Variants in PNPT1 observed in about 807,000 individuals in gnomAD.
PNPT1 encodes polyribonucleotide nucleotidyltransferase 1.
A neutral mutation model predicts 119.5 loss-of-function variants in PNPT1; 53 were observed. The ratio of observed to expected loss-of-function variants is 0.44; its 90% CI spans 0.36 to 0.56. PNPT1 has a LOEUF of 0.56. PNPT1 is among the 20% of genes least tolerant of loss of function. PNPT1 has a pLI of 0.00. For missense variants in PNPT1, 948 were observed against 938.5 expected, an observed-to-expected ratio of 1.01 and a Z score of -0.13; for synonymous variants, 357 against 322.1, an observed-to-expected ratio of 1.11 and a Z score of -1.16.
At chr2:55,684,838 G>T in intron 4 of PNPT1, 105 bp downstream of exon 4, 1 of 1,304,274 alleles carries the variant, frequency 7.7e-7, no homozygotes, top group Non-Finnish European at 9.9e-7. Flanking sequence ...TGGTGTTAAT[G>T]CTATGAAGGA....
At chr2:55,673,114 C>A in intron 8 of PNPT1, 35 bp from the exon 9 acceptor site, 1 of 1,456,216 alleles carries the variant, frequency 6.9e-7, no homozygotes, top group South Asian at 1.4e-5. Context: ...AAATGACTGC[C>A]ATCGAAGCTC....
chr2:55,678,601 T>A (rs1281397901), intron 8 of PNPT1, among the ~76,000 whole-genome samples: 2 of 152,140 alleles, frequency 1.3e-5, no homozygotes, highest in African/African-American at 4.8e-5. Context: ...TTCATAAGCA[T>A]GAAGACGAGG....
intron 26 of PNPT1, among the ~76,000 whole-genome samples, chr2:55,640,257 G>A (rs1291486249): frequency 1.3e-5 from 2 of 151,974 alleles, no homozygotes; most frequent in African/African-American, 2.4e-5. Flanking sequence ...GGGTTCAAGC[G>A]ATTCTCCTTC....
chr2:55,651,588 A>C (rs933571929), intron 18 of PNPT1, among the ~76,000 whole-genome samples: 1 of 151,856 alleles, frequency 6.6e-6, no homozygotes, highest in African/African-American at 2.4e-5. Context: ...ATGCTCCTTA[A>C]GAGTCATCAC....
chr2:55,660,171 T>A lies in PNPT1; in HGVS notation c.1270A>T (p.Met424Leu). The A allele has an allele frequency of 6.3e-7, 1 of 1,591,358 alleles. No individual in the cohort carries two copies. Among genetic ancestry groups the A allele is most frequent in the Non-Finnish European group, 8.6e-7 (1 of 1,169,418 alleles). Residue 424 changes from methionine (M) to leucine (L), a missense_variant, in exon 15 of 28, where the codon ATG (methionine) becomes TTG (leucine). Physicochemically the swap from Met to Leu is conservative, Grantham distance 15. Coordinates refer to ENST00000447944, the MANE Select transcript of PNPT1 (RefSeq NM_033109.5). ...ATTCACCTTACCTCGTAGTGCAGCA[T>A]GAAATTTTTATCTTTTATCCCACTA... is the stretch of plus-strand genomic sequence containing the variant. The part of the protein sequence containing the change: ...AINGIKDKNF[M>L]LHYEFPPYAT...
At chr2:55,636,953 C>A (rs1304863842) in intron 27 of PNPT1, among the ~76,000 whole-genome samples, 1 of 152,142 alleles carries the variant, frequency 6.6e-6, no homozygotes, top group Admixed American at 6.5e-5. Flanking sequence ...CTCATCTTCC[C>A]CTGGAGGCTA....
At chr2:55,646,631 C>A in intron 19 of PNPT1, 145 bp from the exon 20 acceptor site, 2 of 611,414 alleles carry the variant, frequency 3.3e-6, no homozygotes, top group Non-Finnish European at 5.7e-6. Flanking sequence ...CATTAACTAC[C>A]ACTTCCAATT....
chr2:55,679,461 T>C (rs1697179797), intron 8 of PNPT1, among the ~76,000 whole-genome samples: 1 of 152,178 alleles, frequency 6.6e-6, no homozygotes, highest in Admixed American at 6.6e-5. Context: ...TGAAATGATC[T>C]TGGTAAATAT....
chr2:55,663,594 C>A (rs546441429), intron 13 of PNPT1, among the ~76,000 whole-genome samples: 1 of 152,136 alleles, frequency 6.6e-6, no homozygotes, highest in South Asian at 2.1e-4. Context: ...AGATGAGGTG[C>A]AAATCTTGAA....
At chr2:55,670,348 G>A (rs1374427500) in intron 11 of PNPT1, among the ~76,000 whole-genome samples, 9 of 151,934 alleles carry the variant, frequency 5.9e-5, no homozygotes, top group East Asian at 1.9e-4. Flanking sequence ...CACCACGCCC[G>A]GCTAACTTTT....
intron 4 of PNPT1, among the ~76,000 whole-genome samples, chr2:55,684,314 A>T (rs1697332257): frequency 6.6e-6 from 1 of 152,068 alleles, no homozygotes; most frequent in Non-Finnish European, 1.5e-5. Context: ...AAATGGAGAA[A>T]CCCCATCTTG....
rs779205846 is a variant in PNPT1 at position 55,645,377 on chromosome 2, T to C, written c.1794A>G (p.Ala598=). ...IMNKTISKPR[A]SRKENGPVVE... ...CAACAGGTCCATTTTCTTTTCTAGA[T>C]GCTCGAGGTTTTGAAATAGTTTTGT... Residue 598 remains alanine (A), a synonymous_variant, in exon 22 of 28, where the codon GCA becomes GCG. Coordinates refer to ENST00000447944, the MANE Select transcript of PNPT1 (RefSeq NM_033109.5). 5 of 1,612,468 alleles carry C rather than the reference T, an allele frequency of 3.1e-6. No homozygotes were observed. The highest frequency in any genetic ancestry group is 1.7e-5 in the Admixed American group (1 of 59,970).
chr2:55,688,174 T>C (rs1227511936), intron 1 of PNPT1, among the ~76,000 whole-genome samples: 2 of 151,960 alleles, frequency 1.3e-5, no homozygotes, highest in Non-Finnish European at 2.9e-5. Context: ...TCCTGAGTAG[T>C]TGGGACTACA....
chr2:55,660,296 G>T, intron 14 of PNPT1, 103 bp from the exon 15 acceptor site: 1 of 1,212,722 alleles, frequency 8.2e-7, no homozygotes, highest in Non-Finnish European at 1.1e-6. Context: ...AAAGAACTAG[G>T]TGTTAATGAA....
At position 55,683,927 on chromosome 2, in the gene PNPT1, G is replaced by C. The variant is rs943346002; in HGVS notation, c.404-93C>G. The C allele has an allele frequency of 1.1e-4, 139 of 1,254,024 alleles. 2 individuals are homozygous for C. Among genetic ancestry groups the C allele is most frequent in the Non-Finnish European group, 1.4e-4 (125 of 876,290 alleles). 77.7% of individuals were successfully genotyped at this position (1,254,024 alleles called of 1,614,324 possible). Reference sequence around the variant, plus strand: ...ACTAATATAGATAGCCATTCAATATGTTTTCAAGAAAAATCCCCTTGGACT... The same window carrying C: ...ACTAATATAGATAGCCATTCAATATCTTTTCAAGAAAAATCCCCTTGGACT... On this transcript the variant is annotated intron_variant, in intron 4 of 27. Transcript: ENST00000447944.
chr2:55,676,652 AG>A (rs1019064045), intron 8 of PNPT1, among the ~76,000 whole-genome samples: 1 of 152,164 alleles, frequency 6.6e-6, no homozygotes, highest in Non-Finnish European at 1.5e-5. Context: ...ACCTGAGGTC[AG>A]GAGTTTGAGA....
intron 25 of PNPT1, 78 bp downstream of exon 25, chr2:55,643,080 T>A (rs1695882996): frequency 2.1e-6 from 3 of 1,459,022 alleles, no homozygotes; most frequent in Non-Finnish European, 2.9e-6. Context: ...CACCACTGTA[T>A]CCCACTGTGG....
At chr2:55,671,170 T>A (rs1696901389) in intron 11 of PNPT1, 149 bp downstream of exon 11, 1 of 451,196 alleles carries the variant, frequency 2.2e-6, no homozygotes, top group Non-Finnish European at 4.0e-6. Context: ...GAACAGCAGC[T>A]GTAAAGTTGA....
At chr2:55,645,148 C>G in intron 22 of PNPT1, 1 of 368,008 alleles carries the variant, frequency 2.7e-6, no homozygotes, top group Non-Finnish European at 4.9e-6. Flanking sequence ...CTCAGCCTCC[C>G]GAGTAGCTGG....
Sources: allele counts gnomAD v4.1 joint callset (sites outside exome capture counted in the v4.1 genomes callset), GRCh38; gene constraint gnomAD v4.1.1; transcripts MANE v1.5; gene names NCBI Gene and HGNC (gene_info 2026-07-23, HGNC 2026-07-21).